SLC2A8: variants seen among roughly 807,000 people sequenced by gnomAD.
SLC2A8 encodes the protein solute carrier family 2 member 8, also known as solute carrier family 2, facilitated glucose transporter member 8.
Under a neutral mutation model 49.2 loss-of-function variants are expected in SLC2A8, and 53 were observed. The observed-to-expected ratio is 1.08, with a 90% confidence interval of 0.86 to 1.35. The LOEUF (loss-of-function observed/expected upper bound fraction) is 1.35. SLC2A8 is among the 40% of genes most tolerant of loss of function. SLC2A8 has a pLI of 0.00. For synonymous variants in SLC2A8, 299 were observed against 297.0 expected (o/e 1.01, Z -0.07); for missense variants, 688 against 671.7 (o/e 1.02, Z -0.27).
At position 127,397,215 on chromosome 9, in the gene SLC2A8, G is replaced by C; in HGVS notation, c.-16G>C. The C allele has an allele frequency of 4.1e-6, 6 of 1,456,378 alleles. No homozygotes were observed. The highest frequency in any genetic ancestry group is 5.4e-6 in the Non-Finnish European group (6 of 1,112,480). 90.2% of individuals were successfully genotyped at this position (1,456,378 alleles called of 1,614,324 possible). On this transcript the variant is annotated 5_prime_UTR_variant, in exon 1 of 10. Transcript: ENST00000373371. ...GTTCAGGCGCCAGAGCTGGCCGATC[G>C]GCGTTGGCCGCCGACATGACGCCCG...
chr9:127,402,567 G>A lies in SLC2A8; in HGVS notation c.537G>A (p.Leu179=), dbSNP rs762702260. 3.8e-6 allele frequency: 6 copies of A among 1,565,370 alleles called. No individual in the cohort carries two copies. Among genetic ancestry groups the A allele is most frequent in the Non-Finnish European group, 5.2e-6 (6 of 1,158,808 alleles). ...ILLAYLAGWV[L]EWRWLAVLGC... is the part of the protein sequence containing the mutation. ...ACCCACCCCCCGCAGGCTGGGTGCT[G>A]GAGTGGCGCTGGCTGGCTGTGCTGG... Residue 179 remains leucine, a synonymous_variant, in exon 5 of 10, where the codon CTG becomes CTA. Transcript: ENST00000373371.
At chr9:127,405,350 G>A in intron 8 of SLC2A8, 70 bp from the exon 9 acceptor site, 1 of 1,555,048 alleles carries the variant, frequency 6.4e-7, no homozygotes, top group Non-Finnish European at 8.7e-7. Flanking sequence ...GGGTCTCTTG[G>A]CTCTGCAGCA....
chr9:127,403,451 GA>G, intron 5 of SLC2A8: 1 of 604,492 alleles, frequency 1.7e-6, no homozygotes, highest in East Asian at 2.8e-5. Flanking sequence ...CACCTATCAG[GA>G]AGTGCCCTGG....
At chr9:127,398,658 G>A (rs1053337977) in intron 3 of SLC2A8, among the ~76,000 whole-genome samples, 1 of 152,116 alleles carries the variant, frequency 6.6e-6, no homozygotes, top group African/African-American at 2.4e-5. Context: ...TGGGAGCCCC[G>A]AACATCTGGG....
rs368823866 is a variant in SLC2A8 at position 127,398,002 on chromosome 9, C to A, written c.317C>A (p.Pro106His). The part of the protein sequence containing the change: ...RKLSLLLCSV[P>H]FVAGFAVITA... ...CTGAGCCTCTTGCTGTGCTCCGTGC[C>A]CTTCGTGGCCGGCTTTGCCGTCATC... The change falls in exon 3 of 10, where the codon CCC becomes CAC. Residue 106 changes from proline to histidine, a missense_variant. Physicochemically the swap from Pro to His is moderately conservative, Grantham distance 77. Transcript: ENST00000373371. The A allele has an allele frequency of 3.5e-4, 554 of 1,561,350 alleles. No individual in the cohort carries two copies. The highest frequency in any genetic ancestry group is 4.7e-4 in the Non-Finnish European group (540 of 1,160,798).
intron 9 of SLC2A8, among the ~76,000 whole-genome samples, 174 bp downstream of exon 9, chr9:127,405,739 C>A (rs1470945075): frequency 6.6e-6 from 1 of 152,248 alleles, no homozygotes; most frequent in Admixed American, 6.5e-5. Flanking sequence ...TGGGCTAGGC[C>A]AGATGGGGAA....
Position 127,397,236 on chromosome 9 carries a change from G to C in SLC2A8, c.6G>C (p.Thr2=). M[T]PEDPEETQPL... ...GATCGGCGTTGGCCGCCGACATGAC[G>C]CCCGAGGACCCAGAGGAAACCCAGC... is the stretch of plus-strand genomic sequence containing the variant. The change falls in exon 1 of 10, where the codon ACG becomes ACC. Residue 2 remains threonine (T), a synonymous_variant. Transcript: ENST00000373371. The C allele has an allele frequency of 6.9e-7, 1 of 1,455,768 alleles. No individual in the cohort carries two copies. The highest frequency in any genetic ancestry group is 9.0e-7 in the Non-Finnish European group (1 of 1,112,282). The allele number at this position is 1,455,768 out of a possible 1,614,324, so 90.2% of individuals were successfully genotyped here.
intron 7 of SLC2A8, 61 bp from the exon 8 acceptor site, chr9:127,404,757 T>G: frequency 6.5e-7 from 1 of 1,544,298 alleles, no homozygotes; most frequent in Admixed American, 1.7e-5. Context: ...ATCCAGGCCA[T>G]GCTGCTGCGC....
At chr9:127,405,649 GGGTCGT>G in intron 9 of SLC2A8, 84 bp downstream of exon 9, 1 of 1,547,140 alleles carries the variant, frequency 6.5e-7, no homozygotes, top group African/African-American at 1.4e-5. Context: ...AGAAGACCCA[GGGTCGT>G]GGCCTTACAT....
At chr9:127,405,392 G>T in intron 8 of SLC2A8, 28 bp from the exon 9 acceptor site, 1 of 1,609,624 alleles carries the variant, frequency 6.2e-7, no homozygotes, top group South Asian at 1.1e-5. Context: ...GGACCCTGAT[G>T]CCTGTCTTGC....
intron 3 of SLC2A8, among the ~76,000 whole-genome samples, chr9:127,398,915 G>C (rs1397733770): frequency 6.6e-6 from 1 of 152,230 alleles, no homozygotes; most frequent in African/African-American, 2.4e-5. Context: ...CAGCCACTCA[G>C]GCCCCTCCCT....
At position 127,399,923 on chromosome 9, in the gene SLC2A8, T is replaced by C; in HGVS notation, c.443T>C (p.Ile148Thr). The C allele has an allele frequency of 6.2e-7, 1 of 1,613,566 alleles. No homozygotes were observed. Among genetic ancestry groups the C allele is most frequent in the Non-Finnish European group, 8.5e-7 (1 of 1,179,716 alleles). The change falls in exon 4 of 10, where the codon ATC (isoleucine) becomes ACC (threonine). Residue 148 changes from isoleucine (I) to threonine (T), a missense_variant. Transcript: ENST00000373371. This position sits in a 1 kb window ranked among gnomAD's most constrained non-coding sequence, Gnocchi z 4.2. ...SLVAPVYISE[I>T]AYPAVRGLLG... ...TGCTGGCAGGTCTACATCTCCGAAA[T>C]CGCCTACCCAGCAGTCCGGGGGTTG...
At position 127,398,100 on chromosome 9, in the gene SLC2A8, C is replaced by G; in HGVS notation, c.415C>G (p.Leu139Val). 1 of 1,578,440 alleles carries G rather than the reference C, an allele frequency of 6.3e-7. No individual in the cohort carries two copies. The highest frequency in any genetic ancestry group is 8.6e-7 in the Non-Finnish European group (1 of 1,165,908). ...LTGLACGVAS[L>V]VAPVYISEIA... ...CGGCCTGGCCTGCGGTGTTGCCTCC[C>G]TAGTGGCCCCGGTGAGTGTCCCGTC... Residue 139 changes from leucine (L) to valine (V), a missense_variant, in exon 3 of 10, where the codon CTA (leucine) becomes GTA (valine). Transcript: ENST00000373371.
intron 4 of SLC2A8, 92 bp downstream of exon 4, chr9:127,400,098 G>T: frequency 9.1e-7 from 1 of 1,097,550 alleles, no homozygotes. Context: ...CAAGGGACTT[G>T]TCTGAGGTCA....
chr9:127,397,872 G>C, intron 2 of SLC2A8, 33 bp from the exon 3 acceptor site: 3 of 1,444,894 alleles, frequency 2.1e-6, no homozygotes, highest in Non-Finnish European at 2.7e-6. Flanking sequence ...CTGCGGCTTC[G>C]GCGCCCCCTC....
rs748805407 is a variant in SLC2A8, at chr9:127,397,335, C to T, written c.57-41C>T. 5 of 1,389,882 alleles carry T rather than the reference C, an allele frequency of 3.6e-6. No individual in the cohort carries two copies. In the South Asian group the frequency reaches 8.1e-5, roughly 23 times the overall value. The allele number at this position is 1,389,882 out of a possible 1,614,324, so 86.1% of individuals were successfully genotyped here. ...CGGATGCGGCCTCGCCCTCCCGCCC[C>T]TCCGCGTCCGCTCCGCTCACCCTCG... is the stretch of plus-strand genomic sequence containing the variant. On this transcript the variant is annotated intron_variant, in intron 1 of 9. Transcript: ENST00000373371.
intron 9 of SLC2A8, 94 bp from the exon 10 acceptor site, chr9:127,407,018 G>T: frequency 6.9e-7 from 1 of 1,446,380 alleles, no homozygotes; most frequent in South Asian, 1.2e-5. Flanking sequence ...GGGGTCAGGG[G>T]ACTGGACCCC....
chr9:127,402,147 C>G (rs1833313070), intron 4 of SLC2A8, among the ~76,000 whole-genome samples: 1 of 152,224 alleles, frequency 6.6e-6, no homozygotes, highest in Non-Finnish European at 1.5e-5. Context: ...CTGGGGGAGT[C>G]CCCATTGCCT....
At chr9:127,404,547 C>T (rs947536036) in intron 7 of SLC2A8, 8 of 452,988 alleles carry the variant, frequency 1.8e-5, no homozygotes, top group African/African-American at 4.0e-5. Context: ...AGACGACCGT[C>T]GGGGCTGAGG....
Sources: gnomAD v4.1 joint callset for allele counts (sites outside exome capture counted in the v4.1 genomes callset) on GRCh38, gnomAD v4.1.1 for gene constraint, Gnocchi (gnomAD v3.1) non-coding constraint, MANE v1.5 for transcripts, NCBI Gene and HGNC (gene_info 2026-07-23, HGNC 2026-07-21) for gene names.